The following TIMM21 variants were observed in gnomAD, a reference collection of about 807,000 sequenced individuals.
TIMM21 encodes the protein mitochondrial import inner membrane translocase subunit Tim21.
TIMM21 carries 30 observed loss-of-function variants against 27.7 expected under a neutral mutation model. The observed-to-expected ratio is 1.08, with a 90% CI of 0.81 to 1.47. The LOEUF (loss-of-function observed/expected upper bound fraction) is 1.47. TIMM21 is among the 40% of genes most tolerant of loss of function. The pLI is 0.00. For missense variants in TIMM21, 292 were observed against 302.9 expected (o/e 0.96, Z 0.27); for synonymous variants, 121 against 114.4 (o/e 1.06, Z -0.37).
intron 3 of TIMM21, chr18:74,156,155 A>G (rs1979945320): frequency 2.5e-6 from 1 of 398,228 alleles, no homozygotes; most frequent in East Asian, 3.6e-5. Context: ...AGCACTGAAA[A>G]TATTACTCAT....
rs974674616 is a variant in TIMM21, at chr18:74,159,913, G to A, written c.*1433G>A. ...GAAGAAGCCCGGCATCTGAGCTCAG[G>A]TGGGGATTTAGCCACCCTCCATGGC... On this transcript the variant is annotated 3_prime_UTR_variant, in exon 6 of 6. Coordinates refer to ENST00000169551, the MANE Select transcript of TIMM21 (RefSeq NM_014177.3). The A allele has an allele frequency of 3.3e-5, 5 of 152,228 alleles. No homozygotes were observed. The highest frequency in any genetic ancestry group is 1.2e-4 in the African/African-American group (5 of 41,454). 9.4% of individuals were successfully genotyped at this position (152,228 alleles called of 1,614,324 possible).
rs755077960 is a variant in TIMM21 at position 74,158,241 on chromosome 18, G to C, written c.607G>C (p.Gly203Arg). Residue 203 changes from glycine to arginine, a missense_variant, in exon 5 of 6, where the codon GGG becomes CGG. Coordinates refer to ENST00000169551, the MANE Select transcript of TIMM21 (RefSeq NM_014177.3). ...VKFYIEGSEPGKQGTVYAQVK... is the reference protein window; with the variant it reads ...VKFYIEGSEPRKQGTVYAQVK... The stretch of plus-strand genomic sequence containing the variant: ...ATTCTACATTGAGGGCTCTGAGCCA[G>C]GGAAGCAAGGAACGGTGTATGCGCA... 6.2e-7 allele frequency: 1 copy of C among 1,614,080 alleles called. No individual in the cohort carries two copies.
chr18:74,148,853 G>A lies in TIMM21; in HGVS notation c.45G>A (p.Leu15=). The A allele has an allele frequency of 1.2e-6, 2 of 1,614,040 alleles. No homozygotes were observed. Among genetic ancestry groups the A allele is most frequent in the South Asian group, 2.2e-5 (2 of 91,088 alleles). Residue 15 remains leucine, a synonymous_variant, in exon 1 of 6, where the codon CTG becomes CTA. Transcript: ENST00000169551. The part of the protein sequence containing the change: ...FLRAVQYTEK[L]HRSSAKRLLL... ...GAGCCGTACAGTATACGGAGAAGCTGCACAGGTCCTCGGCAAAGCGATTGC... is the reference window on the plus strand; with the variant it reads ...GAGCCGTACAGTATACGGAGAAGCTACACAGGTCCTCGGCAAAGCGATTGC...
In TIMM21 at chr18:74,158,209, G is replaced by A; in HGVS notation, c.575G>A (p.Cys192Tyr). Residue 192 changes from cysteine (C) to tyrosine (Y), a missense_variant, in exon 5 of 6, where the codon TGT (cysteine) becomes TAT (tyrosine). Transcript: ENST00000169551. ...GTAAAAGATGGGCTGAAACACACGT[G>A]TGTGAAATTCTACATTGAGGGCTCT... ...EYVKDGLKHT[C>Y]VKFYIEGSEP... 1 of 1,614,224 alleles carries A rather than the reference G, an allele frequency of 6.2e-7. No homozygotes were observed. Among genetic ancestry groups the A allele is most frequent in the South Asian group, 1.1e-5 (1 of 91,084 alleles).
rs370852314 is a variant in TIMM21 at position 74,158,483 on chromosome 18, T to TAATCA, written c.*4_*5insATCAA. 0.15 allele frequency: 230,670 copies of TAATCA among 1,568,830 alleles called. 25,514 individuals carry two copies. The highest frequency in any genetic ancestry group is 0.54 in the African/African-American group (39,704 of 73,230). On this transcript the variant is annotated 3_prime_UTR_variant, in exon 6 of 6. Transcript: ENST00000169551. ...ATAATCGATCCCAAGATGATTAAAA[T>TAATCA]AGGGTTTCTGATGGATGTTGAATGG...
At chr18:74,149,465 T>G (rs1254330724) in intron 1 of TIMM21, among the ~76,000 whole-genome samples, 1 of 152,104 alleles carries the variant, frequency 6.6e-6, no homozygotes, top group Non-Finnish European at 1.5e-5. Context: ...ACATGTTACC[T>G]GCAGTAATAG....
chr18:74,152,040 G>C lies in TIMM21; in HGVS notation c.301+2931G>C, dbSNP rs940433154. Among the ~76,000 whole-genome samples, 2 of 151,644 alleles carry C rather than the reference G, an allele frequency of 1.3e-5. No homozygotes were observed. Among genetic ancestry groups the C allele is most frequent in the Non-Finnish European group, 2.9e-5 (2 of 67,960 alleles). ...ACTTGGCCAGGAGGGGAGGTGGAGA[G>C]CCCTCCTGAGAGCAGCACGTATCTT... On this transcript the variant is annotated intron_variant, in intron 1 of 5. Transcript: ENST00000169551. The surrounding 1 kb of genome is among the most constrained non-coding windows in gnomAD (Gnocchi z 4.1).
intron 3 of TIMM21, chr18:74,156,827 T>A (rs1042110689): frequency 2.6e-5 from 4 of 152,256 alleles, no homozygotes; most frequent in Admixed American, 2.6e-4. Flanking sequence ...AATTAAACTT[T>A]AACAATTTTG....
Position 74,159,285 on chromosome 18 carries a change from A to G in TIMM21, c.*805A>G, listed in dbSNP as rs1048819261. The G allele has an allele frequency of 6.6e-6, 1 of 151,914 alleles. No individual in the cohort carries two copies. The highest frequency in any genetic ancestry group is 6.6e-5 in the Admixed American group (1 of 15,232). The allele number at this position is 151,914 out of a possible 1,614,324, so 9.4% of individuals were successfully genotyped here. A position where few individuals can be genotyped will look rare whatever the true frequency, so the allele number is the denominator to read the frequency against. ...CGTGTGTGAGGCCCCTTAAAGAAAA[A>G]AAAAAAAAAAAAGGAAATTCTATTT... On this transcript the variant is annotated 3_prime_UTR_variant, in exon 6 of 6. Transcript: ENST00000169551.
intron 1 of TIMM21, among the ~76,000 whole-genome samples, chr18:74,151,947 C>CCCA (rs1555682331): frequency 6.8e-6 from 1 of 147,304 alleles, no homozygotes. Context: ...TCCCCCCCCC[C>CCCA]CCGGGGGGAC....
chr18:74,149,522 C>T (rs1979732181), intron 1 of TIMM21, among the ~76,000 whole-genome samples: 2 of 150,948 alleles, frequency 1.3e-5, no homozygotes, highest in Middle Eastern at 3.2e-3. Flanking sequence ...CAGGGAAAGT[C>T]AGAGATGTAT....
Position 74,158,596 on chromosome 18 carries a change from A to G in TIMM21, c.*116A>G. On this transcript the variant is annotated 3_prime_UTR_variant, in exon 6 of 6. Transcript: ENST00000169551. ...AAGGAGTGTATGGCTTATAAAGTGA[A>G]TCTAATACAGTATTTGTTGCATTTA... 1.5e-6 allele frequency: 1 copy of G among 680,096 alleles called. No homozygotes were observed. Among genetic ancestry groups the G allele is most frequent in the South Asian group, 1.7e-5 (1 of 58,164 alleles). 42.1% of individuals were successfully genotyped at this position (680,096 alleles called of 1,614,324 possible).
rs1303610460 is a variant in TIMM21 at position 74,158,419 on chromosome 18, AAATTGAATCTT to A, written c.688_698del (p.Ile230SerfsTer2). The A allele has an allele frequency of 6.2e-7, 1 of 1,605,392 alleles. No individual in the cohort carries two copies. The highest frequency in any genetic ancestry group is 2.2e-5 in the East Asian group (1 of 44,840). ...TATGATTTTCGATATATATTTGTAG[AAATTGAATCTT>A]ATCCTAGAAGAACTATTATCATTGA... On this transcript the variant is annotated frameshift_variant, in exon 6 of 6. Transcript: ENST00000169551. LOFTEE classifies it low-confidence loss of function (END_TRUNC).
chr18:74,148,859 G>A lies in TIMM21; in HGVS notation c.51G>A (p.Arg17=). 1 of 1,614,106 alleles carries A rather than the reference G, an allele frequency of 6.2e-7. No individual in the cohort carries two copies. The highest frequency in any genetic ancestry group is 8.5e-7 in the Non-Finnish European group (1 of 1,179,974). Residue 17 remains arginine (R), a synonymous_variant, in exon 1 of 6, where the codon AGG becomes AGA. Transcript: ENST00000169551. ...RAVQYTEKLH[R]SSAKRLLLPY... Reference sequence around the variant, plus strand: ...TACAGTATACGGAGAAGCTGCACAGGTCCTCGGCAAAGCGATTGCTTTTGC... The same window carrying A: ...TACAGTATACGGAGAAGCTGCACAGATCCTCGGCAAAGCGATTGCTTTTGC...
intron 1 of TIMM21, 113 bp from the exon 2 acceptor site, chr18:74,155,032 C>A (rs1979911394): frequency 4.2e-6 from 4 of 958,638 alleles, no homozygotes; most frequent in Non-Finnish European, 5.0e-6. Context: ...CACACACAGA[C>A]CCCTTGCTTT....
intron 1 of TIMM21, among the ~76,000 whole-genome samples, chr18:74,151,946 C>CCCCA (rs1555682327): frequency 7.1e-6 from 1 of 140,616 alleles, no homozygotes; most frequent in Non-Finnish European, 1.5e-5. Context: ...TTCCCCCCCC[C>CCCCA]CCCGGGGGGA....
At position 74,148,976 on chromosome 18, in the gene TIMM21, T is replaced by G. The variant is rs768426545; in HGVS notation, c.168T>G (p.Cys56Trp). 2 of 1,614,168 alleles carry G rather than the reference T, an allele frequency of 1.2e-6. No individual in the cohort carries two copies. Among genetic ancestry groups the G allele is most frequent in the Admixed American group, 3.3e-5 (2 of 60,026 alleles). Residue 56 changes from cysteine (C) to tryptophan (W), a missense_variant, in exon 1 of 6, where the codon TGT (cysteine) becomes TGG (tryptophan). By Grantham distance (215) the Cys-to-Trp change is radical. Transcript: ENST00000169551. Reference protein sequence around the residue: ...QYQKKTLRPRCILGVTQKTIW... With the variant: ...QYQKKTLRPRWILGVTQKTIW... ...AAAAGAAAACGCTGCGACCTAGATG[T>G]ATTCTTGGAGTCACCCAGAAAACCA...
intron 1 of TIMM21, among the ~76,000 whole-genome samples, chr18:74,151,626 C>T (rs1198021075): frequency 6.6e-6 from 1 of 152,188 alleles, no homozygotes; most frequent in East Asian, 1.9e-4. Context: ...CCTCCTGTCC[C>T]TCCTAAGAAC....
intron 2 of TIMM21, 44 bp from the exon 3 acceptor site, chr18:74,155,262 A>G: frequency 1.9e-6 from 3 of 1,612,564 alleles, no homozygotes; most frequent in Non-Finnish European, 2.5e-6. Context: ...TGGACTTTTT[A>G]TGTTGCCCTT....
Sources: allele counts gnomAD v4.1 joint callset (sites outside exome capture counted in the v4.1 genomes callset), GRCh38; gene constraint gnomAD v4.1.1; non-coding constraint Gnocchi (gnomAD v3.1); transcripts MANE v1.5; gene names NCBI Gene and HGNC (gene_info 2026-07-23, HGNC 2026-07-21).